The following DCAF10 variants were observed in gnomAD, a reference collection of about 807,000 sequenced individuals.
The protein encoded by DCAF10 is DDB1 and CUL4 associated factor 10.
A neutral mutation model predicts 51.9 loss-of-function variants in DCAF10; 19 were observed. That is an observed-to-expected ratio of 0.37 (90% CI 0.26 to 0.54). The LOEUF is 0.54. Among genes scored for constraint, DCAF10 ranks in the 20% least tolerant of loss-of-function variants. The probability of loss-of-function intolerance (pLI) is 0.87; values close to 1 mark genes in which losing one functional copy is unlikely to be tolerated. For synonymous variants in DCAF10, 291 were observed against 297.1 expected, an observed-to-expected ratio of 0.98 and a Z score of 0.21; for missense variants, 510 against 730.6, an observed-to-expected ratio of 0.70 and a Z score of 3.48.
In DCAF10 at chr9:37,829,397, G is replaced by T. The variant is rs914980949; in HGVS notation, c.653+9996G>T. Reference sequence around the variant, plus strand: ...GGAGGTTGCGGTGAGCCAAGATTGTGCCATTGCATTCCAGCCTGGGCAACA... The same window carrying T: ...GGAGGTTGCGGTGAGCCAAGATTGTTCCATTGCATTCCAGCCTGGGCAACA... On this transcript the variant is annotated intron_variant, in intron 2 of 6. Transcript: ENST00000377724. The surrounding 1 kb of genome is among the most constrained non-coding windows in gnomAD (Gnocchi z 4.2). Among the ~76,000 whole-genome samples the T allele has an allele frequency of 2.0e-5, 3 of 152,100 alleles. No homozygotes were observed. Among genetic ancestry groups the T allele is most frequent in the Non-Finnish European group, 4.4e-5 (3 of 68,012 alleles).
chr9:37,817,276 T>C (rs780643267), intron 1 of DCAF10, among the ~76,000 whole-genome samples: 2 of 152,240 alleles, frequency 1.3e-5, no homozygotes, highest in Non-Finnish European at 2.9e-5. Flanking sequence ...AACAGTTTTA[T>C]AGATCCCTTT....
chr9:37,813,700 C>T (rs867205601), intron 1 of DCAF10, among the ~76,000 whole-genome samples: 14 of 152,242 alleles, frequency 9.2e-5, no homozygotes, highest in Middle Eastern at 6.8e-3. Context: ...CATACAATTT[C>T]CAAGCATTGA....
At chr9:37,832,182 G>A (rs990579357) in intron 2 of DCAF10, 2 of 145,870 alleles carry the variant, frequency 1.4e-5, no homozygotes, top group East Asian at 2.0e-4. Flanking sequence ...TTTAGGCTGT[G>A]CATGGTAGCT....
Position 37,861,142 on chromosome 9 carries a change from T to A in DCAF10, c.1314T>A (p.Cys438Ter). ...TTGTCTCCCTTCTCTCCCCCTAGTG[T>A]ACTTGTGTCTATGAATTCCAAGAAG... ...RCSSNSDDEE[C>*]TCVYEFQEGA... is the part of the protein sequence containing the mutation. The change falls in exon 7 of 7, where the codon TGT becomes TGA. Residue 438 changes from cysteine to a stop codon, truncating the protein, a stop_gained and splice_region_variant. Transcript: ENST00000377724. LOFTEE classifies it high-confidence loss of function. This position sits in a 1 kb window ranked among gnomAD's most constrained non-coding sequence, Gnocchi z 4.9. 6.2e-7 allele frequency: 1 copy of A among 1,600,104 alleles called. No individual in the cohort carries two copies. Among genetic ancestry groups the A allele is most frequent in the Non-Finnish European group, 8.6e-7 (1 of 1,168,502 alleles).
chr9:37,815,810 T>G (rs559201836), intron 1 of DCAF10, among the ~76,000 whole-genome samples: 77 of 152,308 alleles, frequency 5.1e-4, no homozygotes, highest in African/African-American at 1.8e-3. Flanking sequence ...CAAAAAAATT[T>G]TTTTTGAGAC....
At chr9:37,844,567 C>T (rs1418584789) in intron 3 of DCAF10, among the ~76,000 whole-genome samples, 1 of 152,218 alleles carries the variant, frequency 6.6e-6, no homozygotes, top group African/African-American at 2.4e-5. Flanking sequence ...AGGAGAATCA[C>T]TTGAACCCAG....
intron 1 of DCAF10, among the ~76,000 whole-genome samples, chr9:37,802,455 T>C (rs538268248): frequency 1.3e-5 from 2 of 152,220 alleles, no homozygotes; most frequent in East Asian, 3.9e-4. Context: ...TTAGTCAAGA[T>C]AGGGTTGGGA....
intron 3 of DCAF10, among the ~76,000 whole-genome samples, 186 bp from the exon 4 acceptor site, chr9:37,854,594 C>T (rs965256994): frequency 7.9e-5 from 12 of 152,114 alleles, no homozygotes; most frequent in Admixed American, 3.3e-4. Flanking sequence ...TACTATTAAC[C>T]GTCATCACCC....
At chr9:37,830,455 G>A (rs978899410) in intron 2 of DCAF10, among the ~76,000 whole-genome samples, 4 of 152,120 alleles carry the variant, frequency 2.6e-5, no homozygotes, top group Non-Finnish European at 5.9e-5. Flanking sequence ...AAGTGTTTAT[G>A]GTTACATACA....
At position 37,861,295 on chromosome 9, in the gene DCAF10, C is replaced by T; in HGVS notation, c.1467C>T (p.Ser489=). 1 of 1,614,142 alleles carries T rather than the reference C, an allele frequency of 6.2e-7. No homozygotes were observed. Among genetic ancestry groups the T allele is most frequent in the East Asian group, 2.2e-5 (1 of 44,878 alleles). Residue 489 remains serine, a synonymous_variant, in exon 7 of 7, where the codon TCC becomes TCT. Coordinates refer to ENST00000377724, the MANE Select transcript of DCAF10 (RefSeq NM_024345.5). The surrounding 1 kb of genome is among the most constrained non-coding windows in gnomAD (Gnocchi z 4.9). Reference sequence around the variant, plus strand: ...GCCCCGATGGACGAATGATTTCTTCCCCACATGGCTATGGGATTCGCTTGT... The same window carrying T: ...GCCCCGATGGACGAATGATTTCTTCTCCACATGGCTATGGGATTCGCTTGT... ...CFSPDGRMIS[S]PHGYGIRLLG...
chr9:37,833,833 C>CTA (rs1461018060), intron 2 of DCAF10, among the ~76,000 whole-genome samples: 2 of 152,328 alleles, frequency 1.3e-5, no homozygotes, highest in East Asian at 3.9e-4. Flanking sequence ...TTGTCTAACG[C>CTA]TACATTCTCT....
At chr9:37,839,095 C>T (rs1238747272) in intron 2 of DCAF10, among the ~76,000 whole-genome samples, 1 of 150,698 alleles carries the variant, frequency 6.6e-6, no homozygotes, top group East Asian at 1.9e-4. Context: ...TTGCTCTGTG[C>T]CCCAGCTGGA....
At chr9:37,837,319 C>T (rs369959885) in intron 2 of DCAF10, among the ~76,000 whole-genome samples, 8 of 151,890 alleles carry the variant, frequency 5.3e-5, no homozygotes, top group African/African-American at 1.9e-4. Flanking sequence ...ATTAGCTGAA[C>T]GTGGTGGCAC....
chr9:37,814,301 CTTT>C (rs61692599), intron 1 of DCAF10, among the ~76,000 whole-genome samples: 6 of 101,020 alleles, frequency 5.9e-5, no homozygotes, highest in African/African-American at 1.9e-4. Flanking sequence ...ACCACGCCGG[CTTT>C]TTTTTTTTTT....
chr9:37,857,461 C>A, intron 5 of DCAF10, 110 bp downstream of exon 5: 1 of 750,448 alleles, frequency 1.3e-6, no homozygotes, highest in Non-Finnish European at 2.0e-6. Flanking sequence ...AAAATAAAAG[C>A]AATGGAGATG....
intron 2 of DCAF10, among the ~76,000 whole-genome samples, chr9:37,823,851 T>C (rs1326832840): frequency 6.6e-6 from 1 of 151,942 alleles, no homozygotes; most frequent in Non-Finnish European, 1.5e-5. Context: ...CAAAATCCAG[T>C]TTGTATTTTA....
At chr9:37,804,133 A>G (rs1829039910) in intron 1 of DCAF10, among the ~76,000 whole-genome samples, 1 of 152,040 alleles carries the variant, frequency 6.6e-6, no homozygotes. Flanking sequence ...GAAGCAAAGA[A>G]ACTAACTAGA....
chr9:37,855,488 T>C (rs1830819941), intron 4 of DCAF10, among the ~76,000 whole-genome samples: 1 of 152,218 alleles, frequency 6.6e-6, no homozygotes, highest in Non-Finnish European at 1.5e-5. Flanking sequence ...TCTTCTCCCA[T>C]TGCTGATTTT....
At chr9:37,805,745 A>C (rs1454287257) in intron 1 of DCAF10, among the ~76,000 whole-genome samples, 3 of 152,202 alleles carry the variant, frequency 2.0e-5, no homozygotes, top group Non-Finnish European at 4.4e-5. Context: ...ATAAATCCAA[A>C]CATTACTAGT....
Sources: allele counts gnomAD v4.1 joint callset (sites outside exome capture counted in the v4.1 genomes callset), GRCh38; gene constraint gnomAD v4.1.1; non-coding constraint Gnocchi (gnomAD v3.1); transcripts MANE v1.5; gene names NCBI Gene and HGNC (gene_info 2026-07-23, HGNC 2026-07-21).